GALNTL6: variants seen among roughly 807,000 people sequenced by gnomAD.
GALNTL6 encodes polypeptide N-acetylgalactosaminyltransferase like 6.
A neutral mutation model predicts 73.7 loss-of-function variants in GALNTL6; 46 were observed. The ratio of observed to expected loss-of-function variants is 0.62; its 90% CI spans 0.49 to 0.80. GALNTL6 has a LOEUF of 0.80. Ranked by LOEUF, GALNTL6 falls within the 30% of genes least tolerant of loss-of-function variation. GALNTL6 has a pLI of 0.00. For synonymous variants in GALNTL6, 259 were observed against 263.7 expected (o/e 0.98, Z 0.17); for missense variants, 604 against 755.0 (o/e 0.80, Z 2.34).
At chr4:171,983,346 T>TGCTA (rs1739966567) in intron 2 of GALNTL6, among the ~76,000 whole-genome samples, 1 of 152,144 alleles carries the variant, frequency 6.6e-6, no homozygotes, top group African/African-American at 2.4e-5. Flanking sequence ...CTGTAACAGG[T>TGCTA]GCTATCATAT....
intron 5 of GALNTL6, among the ~76,000 whole-genome samples, chr4:172,353,482 G>A (rs333377): frequency 0.13 from 19,804 of 152,112 alleles, 1,298 homozygotes; most frequent in East Asian, 0.18. Flanking sequence ...AACGTTAATT[G>A]TTATATTTCC....
intron 5 of GALNTL6, among the ~76,000 whole-genome samples, chr4:172,764,272 TA>T (rs1738280152): frequency 1.3e-5 from 2 of 152,200 alleles, no homozygotes; most frequent in African/African-American, 4.8e-5. Flanking sequence ...TATTTTTTTC[TA>T]ACAAATTGAG....
chr4:171,904,185 C>G (rs113446928), intron 2 of GALNTL6, among the ~76,000 whole-genome samples: 119 of 152,248 alleles, frequency 7.8e-4, no homozygotes, highest in African/African-American at 2.6e-3. Flanking sequence ...TTCAGACGAT[C>G]AAATTACTCC....
Position 172,084,182 on chromosome 4 carries a change from T to G in GALNTL6, c.139-145474T>G, listed in dbSNP as rs181091775. Among the ~76,000 whole-genome samples, 450 of 152,272 alleles carry G rather than the reference T, an allele frequency of 3.0e-3. 1 individual carries two copies. Among genetic ancestry groups the G allele is most frequent in the Non-Finnish European group, 4.3e-3 (295 of 68,014 alleles). ...GGGAGTTTGTCTAATGAGAGGTGAT[T>G]GATGACATTGAAATTGACTTCTAAT... is the stretch of plus-strand genomic sequence containing the variant. On this transcript the variant is annotated intron_variant, in intron 2 of 12. Transcript: ENST00000506823.
chr4:173,010,485 T>C (rs746719425), intron 11 of GALNTL6, among the ~76,000 whole-genome samples: 3 of 152,218 alleles, frequency 2.0e-5, no homozygotes, highest in Non-Finnish European at 4.4e-5. Context: ...GGAGTGCAGG[T>C]GTCTCCTCGA....
intron 5 of GALNTL6, among the ~76,000 whole-genome samples, chr4:172,521,132 A>C (rs1362398129): frequency 6.6e-6 from 1 of 152,102 alleles, no homozygotes; most frequent in Non-Finnish European, 1.5e-5. Flanking sequence ...ATCTGTAATA[A>C]TACTATCTAC....
chr4:172,548,919 T>A (rs1027304659), intron 5 of GALNTL6, among the ~76,000 whole-genome samples: 20 of 152,316 alleles, frequency 1.3e-4, no homozygotes, highest in African/African-American at 4.8e-4. Flanking sequence ...TTATAAAATC[T>A]TAATGTTGTT....
At chr4:172,825,045 A>T in intron 7 of GALNTL6, among the ~76,000 whole-genome samples, 1 of 114,340 alleles carries the variant, frequency 8.7e-6, no homozygotes, top group Non-Finnish European at 1.9e-5. Context: ...TCGGTGGGAC[A>T]ATTCTTTTTT....
chr4:172,308,003 CTTTTTTTTTTTT>C (rs70941399), intron 3 of GALNTL6, among the ~76,000 whole-genome samples: 2 of 34,590 alleles, frequency 5.8e-5, no homozygotes, highest in Admixed American at 6.2e-4. Flanking sequence ...TGTGTTTTAA[CTTTTTTTTTTTT>C]TTTTTTTTTT....
intron 7 of GALNTL6, among the ~76,000 whole-genome samples, chr4:172,881,859 G>A (rs1230871034): frequency 6.6e-6 from 1 of 152,076 alleles, no homozygotes; most frequent in East Asian, 1.9e-4. Context: ...GAGCCCTAGC[G>A]CAGCCTCACC....
chr4:172,453,685 T>C (rs1475552327), intron 5 of GALNTL6, among the ~76,000 whole-genome samples: 1 of 152,216 alleles, frequency 6.6e-6, no homozygotes, highest in Non-Finnish European at 1.5e-5. Flanking sequence ...GTTCCCAGCA[T>C]GTGAGGAGGA....
At chr4:172,141,156 T>A (rs1282791340) in intron 2 of GALNTL6, among the ~76,000 whole-genome samples, 1 of 152,042 alleles carries the variant, frequency 6.6e-6, no homozygotes, top group African/African-American at 2.4e-5. Context: ...AAGGTATGGA[T>A]GGAAATCCTA....
At chr4:172,242,346 G>A (rs1358778204) in intron 3 of GALNTL6, among the ~76,000 whole-genome samples, 1 of 151,992 alleles carries the variant, frequency 6.6e-6, no homozygotes, top group South Asian at 2.1e-4. Flanking sequence ...TGTGAGATGT[G>A]TATGTGTTTT....
At chr4:172,907,885 C>T (rs62340330) in intron 8 of GALNTL6, among the ~76,000 whole-genome samples, 8,711 of 152,262 alleles carry the variant, frequency 0.057, 379 homozygotes, top group East Asian at 0.19. Context: ...AAGTCAAGAA[C>T]TGTCACCCTT....
At chr4:172,986,629 AC>A (rs1751300081) in intron 10 of GALNTL6, among the ~76,000 whole-genome samples, 2 of 152,194 alleles carry the variant, frequency 1.3e-5, no homozygotes, top group Admixed American at 6.5e-5. Flanking sequence ...GTTGAGTTAA[AC>A]AGTAGTGTCC....
chr4:172,372,856 T>A (rs982168069), intron 5 of GALNTL6, among the ~76,000 whole-genome samples: 6 of 152,170 alleles, frequency 3.9e-5, no homozygotes, highest in Admixed American at 1.3e-4. Flanking sequence ...CACCTGCAAC[T>A]GTTTTAATGT....
At chr4:171,899,952 C>T (rs1737032194) in intron 2 of GALNTL6, among the ~76,000 whole-genome samples, 2 of 152,052 alleles carry the variant, frequency 1.3e-5, no homozygotes, top group Admixed American at 1.3e-4. Flanking sequence ...TAAGTCAAGA[C>T]CTCTTTTTGT....
intron 5 of GALNTL6, among the ~76,000 whole-genome samples, chr4:172,445,198 G>A (rs375778862): frequency 1.8e-4 from 27 of 152,164 alleles, no homozygotes; most frequent in Middle Eastern, 6.8e-3. Flanking sequence ...ATCAGCATCC[G>A]TAGCCACAGC....
chr4:172,334,306 TA>T (rs1361415086), intron 4 of GALNTL6, among the ~76,000 whole-genome samples: 3 of 152,216 alleles, frequency 2.0e-5, no homozygotes, highest in Non-Finnish European at 4.4e-5. Flanking sequence ...GGCATTTTGA[TA>T]GGGATTGTGT....
Sources: allele counts gnomAD v4.1 joint callset (sites outside exome capture counted in the v4.1 genomes callset), GRCh38; gene constraint gnomAD v4.1.1; transcripts MANE v1.5; gene names NCBI Gene and HGNC (gene_info 2026-07-23, HGNC 2026-07-21).